The following MEF2A variants were observed in gnomAD, a reference collection of about 807,000 sequenced individuals.
The protein encoded by MEF2A is myocyte enhancer factor 2A, also known as myocyte-specific enhancer factor 2A.
Under a neutral mutation model 55.8 loss-of-function variants are expected in MEF2A, and 28 were observed. The observed-to-expected ratio is 0.50, with a 90% CI of 0.37 to 0.69. The LOEUF (loss-of-function observed/expected upper bound fraction) is 0.69. Ranked by LOEUF, MEF2A falls within the 30% of genes least tolerant of loss-of-function variation. The probability of loss-of-function intolerance (pLI) is 0.00; values close to 1 mark genes in which losing one functional copy is unlikely to be tolerated. For synonymous variants in MEF2A, 239 were observed against 227.1 expected, an observed-to-expected ratio of 1.05 and a Z score of -0.47; for missense variants, 528 against 626.2, an observed-to-expected ratio of 0.84 and a Z score of 1.67.
At chr15:99,677,057 G>T (rs2052252804) in intron 7 of MEF2A, among the ~76,000 whole-genome samples, 1 of 151,964 alleles carries the variant, frequency 6.6e-6, no homozygotes, top group African/African-American at 2.4e-5. Context: ...GGAGGCGGAG[G>T]TTGCAGTGAG....
chr15:99,710,987 T>C (rs544142886), intron 11 of MEF2A, among the ~76,000 whole-genome samples: 22 of 152,206 alleles, frequency 1.4e-4, no homozygotes, highest in Admixed American at 5.9e-4. Context: ...GGAGCAAGGC[T>C]TCTCCCATAG....
In MEF2A at chr15:99,674,675, C is replaced by G. The variant is rs139056727; in HGVS notation, c.610+63C>G. ...AGAGGGTGAAAAAATTCATTGCTAACATAAGCAGTTTCTTATTTTGCTATT... is the reference window on the plus strand; with the variant it reads ...AGAGGGTGAAAAAATTCATTGCTAAGATAAGCAGTTTCTTATTTTGCTATT... On this transcript the variant is annotated intron_variant, in intron 6 of 11. Coordinates refer to ENST00000557942, the MANE Select transcript of MEF2A (RefSeq NM_001319206.4). 9.4e-4 allele frequency: 1,250 copies of G among 1,324,674 alleles called. 6 individuals are homozygous for G. The African/African-American group carries it at 0.012, about 12-fold the overall frequency. 82.1% of individuals were successfully genotyped at this position (1,324,674 alleles called of 1,614,324 possible).
intron 1 of MEF2A, among the ~76,000 whole-genome samples, chr15:99,583,568 A>G (rs1215504510): frequency 6.6e-6 from 1 of 152,106 alleles, no homozygotes; most frequent in Non-Finnish European, 1.5e-5. Flanking sequence ...CAGTCACCAT[A>G]TGCCTGAGAA....
chr15:99,629,782 T>C (rs2042646704), intron 2 of MEF2A, among the ~76,000 whole-genome samples: 1 of 151,992 alleles, frequency 6.6e-6, no homozygotes, highest in South Asian at 2.1e-4. Context: ...CTACTAAAAA[T>C]ACAAAAAATT....
At chr15:99,596,172 A>G (rs886307551) in intron 1 of MEF2A, among the ~76,000 whole-genome samples, 1 of 152,160 alleles carries the variant, frequency 6.6e-6, no homozygotes, top group Non-Finnish European at 1.5e-5. Flanking sequence ...ATAATTGAGG[A>G]ATGCATTTTG....
intron 8 of MEF2A, among the ~76,000 whole-genome samples, chr15:99,698,597 A>G (rs948633631): frequency 3.3e-5 from 5 of 152,134 alleles, no homozygotes; most frequent in African/African-American, 1.2e-4. Context: ...GTTCGAGACC[A>G]GCCTGATCAA....
chr15:99,674,250 C>A, intron 5 of MEF2A, 143 bp from the exon 6 acceptor site: 1 of 655,348 alleles, frequency 1.5e-6, no homozygotes, highest in Non-Finnish European at 2.5e-6. Context: ...AAGAAAATAG[C>A]TTTAATCTGT....
intron 2 of MEF2A, among the ~76,000 whole-genome samples, chr15:99,625,012 A>G (rs1052057690): frequency 6.6e-6 from 1 of 152,206 alleles, no homozygotes; most frequent in Non-Finnish European, 1.5e-5. Context: ...ATTTTAAAAT[A>G]GCTTTGTATT....
intron 4 of MEF2A, among the ~76,000 whole-genome samples, chr15:99,654,351 A>T (rs765897893): frequency 6.6e-6 from 1 of 152,066 alleles, no homozygotes; most frequent in African/African-American, 2.4e-5. Flanking sequence ...ACTAAGCTCA[A>T]TGTTTAATAG....
intron 2 of MEF2A, among the ~76,000 whole-genome samples, chr15:99,608,583 T>G (rs1975963126): frequency 6.6e-6 from 1 of 152,152 alleles, no homozygotes; most frequent in Non-Finnish European, 1.5e-5. Flanking sequence ...ACCTAAAACA[T>G]AAGAAGTAAA....
chr15:99,701,463 G>T (rs1357741600), intron 8 of MEF2A, among the ~76,000 whole-genome samples: 1 of 152,218 alleles, frequency 6.6e-6, no homozygotes, highest in Non-Finnish European at 1.5e-5. Context: ...CAGAGGAGAC[G>T]AAGGAGATGT....
intron 2 of MEF2A, among the ~76,000 whole-genome samples, chr15:99,601,839 G>T (rs979061453): frequency 4.6e-5 from 6 of 129,812 alleles, no homozygotes; most frequent in African/African-American, 1.6e-4. Context: ...GTGTGTGTGT[G>T]TGTGTGTGTG....
chr15:99,651,231 C>T (rs554196722), intron 4 of MEF2A, among the ~76,000 whole-genome samples: 5 of 152,082 alleles, frequency 3.3e-5, no homozygotes, highest in South Asian at 2.1e-4. Flanking sequence ...GGGGATGAGT[C>T]GGAGGTGGAA....
chr15:99,627,541 A>G (rs966368577), intron 2 of MEF2A, among the ~76,000 whole-genome samples: 1 of 151,920 alleles, frequency 6.6e-6, no homozygotes, highest in African/African-American at 2.4e-5. Flanking sequence ...TTTATTTAGG[A>G]AAAGTGTATT....
At chr15:99,655,272 A>G (rs2153537619) in intron 4 of MEF2A, among the ~76,000 whole-genome samples, 1 of 152,322 alleles carries the variant, frequency 6.6e-6, no homozygotes, top group South Asian at 2.1e-4. Flanking sequence ...TGAGAAAAGG[A>G]CAGTCTTTTC....
At chr15:99,577,685 G>C (rs1010843569) in intron 1 of MEF2A, among the ~76,000 whole-genome samples, 3 of 151,958 alleles carry the variant, frequency 2.0e-5, no homozygotes, top group African/African-American at 7.2e-5. Context: ...GTGTTTATCT[G>C]TTCTAAGTTC....
intron 4 of MEF2A, among the ~76,000 whole-genome samples, chr15:99,646,891 A>G (rs980281441): frequency 7.2e-5 from 11 of 152,092 alleles, no homozygotes; most frequent in African/African-American, 2.4e-4. Flanking sequence ...ATTTTTTCAA[A>G]TGAGAAGTAA....
At chr15:99,584,457 C>T (rs190184915) in intron 1 of MEF2A, among the ~76,000 whole-genome samples, 270 of 152,178 alleles carry the variant, frequency 1.8e-3, no homozygotes, top group African/African-American at 6.3e-3. Flanking sequence ...TGAAAGAATA[C>T]ATAATAGGTT....
intron 4 of MEF2A, among the ~76,000 whole-genome samples, chr15:99,668,150 C>T (rs1399128784): frequency 6.6e-6 from 1 of 152,066 alleles, no homozygotes; most frequent in Non-Finnish European, 1.5e-5. Context: ...TTAACTGACC[C>T]TCCAAAAATA....
Sources: allele counts gnomAD v4.1 joint callset (sites outside exome capture counted in the v4.1 genomes callset), GRCh38; gene constraint gnomAD v4.1.1; transcripts MANE v1.5; gene names NCBI Gene and HGNC (gene_info 2026-07-23, HGNC 2026-07-21).